Variants in PTPRM observed in about 807,000 individuals in gnomAD.
The protein encoded by PTPRM is receptor-type tyrosine-protein phosphatase mu.
In PTPRM, 47 loss-of-function variants were observed where a neutral mutation model predicts 186.7. The ratio of observed to expected loss-of-function variants is 0.25; its 90% CI spans 0.20 to 0.32. PTPRM has a LOEUF of 0.32. PTPRM is among the 10% of genes least tolerant of loss of function. PTPRM has a pLI of 1.00. For missense variants in PTPRM, 1,494 were observed against 1,865.0 expected, an observed-to-expected ratio of 0.80 and a Z score of 3.66; for synonymous variants, 668 against 674.9, an observed-to-expected ratio of 0.99 and a Z score of 0.16.
intron 5 of PTPRM, among the ~76,000 whole-genome samples, chr18:7,938,819 G>T (rs779934611): frequency 9.2e-5 from 14 of 152,022 alleles, no homozygotes; most frequent in Non-Finnish European, 1.8e-4. Flanking sequence ...TATAACTTTG[G>T]ATATCTGTAT....
intron 2 of PTPRM, among the ~76,000 whole-genome samples, chr18:7,831,124 C>T (rs1280704622): frequency 6.6e-6 from 1 of 152,080 alleles, no homozygotes; most frequent in Non-Finnish European, 1.5e-5. Context: ...GTCTTTACTG[C>T]ACTTATTTTT....
rs756680864 is a variant in PTPRM, at chr18:8,376,519, C to G, written c.3384C>G (p.Ala1128=). The change falls in exon 26 of 33, where the codon GCC becomes GCG. Residue 1128 remains alanine (A), a synonymous_variant. Transcript: ENST00000580170. ...FIVIDIMLDM[A]EREGVVDIYN... ...TCATTGATATCATGTTGGACATGGC[C>G]GAAAGGGAAGGGGTCGTAGACATCT... 1 of 1,613,886 alleles carries G rather than the reference C, an allele frequency of 6.2e-7. No individual in the cohort carries two copies. The highest frequency in any genetic ancestry group is 1.1e-5 in the South Asian group (1 of 91,062).
chr18:7,705,279 TTATCTATCTATCTATCTATCTATC>T (rs67662119), intron 1 of PTPRM, among the ~76,000 whole-genome samples: 3 of 146,502 alleles, frequency 2.0e-5, no homozygotes, highest in African/African-American at 5.1e-5. Flanking sequence ...AAATATCTAT[TTATCTATCTATCTATCTATCTATC>T]TATCTATCTA....
At chr18:7,860,237 TA>T (rs2047302478) in intron 2 of PTPRM, among the ~76,000 whole-genome samples, 1 of 152,036 alleles carries the variant, frequency 6.6e-6, no homozygotes, top group African/African-American at 2.4e-5. Flanking sequence ...CAAACCCAGC[TA>T]ATTTTTGTAT....
intron 9 of PTPRM, among the ~76,000 whole-genome samples, chr18:8,077,876 C>T (rs2089913873): frequency 6.6e-6 from 1 of 152,170 alleles, no homozygotes; most frequent in African/African-American, 2.4e-5. Flanking sequence ...AGATATATCT[C>T]TGTGTGGTAA....
chr18:8,168,086 A>G (rs2093348881), intron 14 of PTPRM, among the ~76,000 whole-genome samples: 2 of 152,204 alleles, frequency 1.3e-5, no homozygotes, highest in Non-Finnish European at 2.9e-5. Context: ...AATGCTGAGT[A>G]TGTTTCTAGC....
rs1020909042 is a variant in PTPRM, at chr18:8,184,493, T to C, written c.2300+40714T>C. Among the ~76,000 whole-genome samples, 9 of 152,080 alleles carry C rather than the reference T, an allele frequency of 5.9e-5. No homozygotes were observed. The South Asian group carries it at 8.3e-4, about 14-fold the overall frequency. ...ATGAGTGAGGTTGCACAGACCCCAC[T>C]GGACTGTTGGGTGGAGAAGAGAAGG... On this transcript the variant is annotated intron_variant, in intron 14 of 32. Coordinates refer to ENST00000580170, the MANE Select transcript of PTPRM (RefSeq NM_001105244.2).
In PTPRM at chr18:8,243,969, T is replaced by C; in HGVS notation, c.2301-89T>C. 5 of 1,279,260 alleles carry C rather than the reference T, an allele frequency of 3.9e-6. No homozygotes were observed. In the South Asian group the frequency reaches 4.2e-5, roughly 11 times the overall value. 79.2% of individuals were successfully genotyped at this position (1,279,260 alleles called of 1,614,324 possible). Reference sequence around the variant, plus strand: ...GAATGAATAGGATTAATTCAGTAGATGTTATTCCTGAACATCTGTCAATAT... The same window carrying C: ...GAATGAATAGGATTAATTCAGTAGACGTTATTCCTGAACATCTGTCAATAT... On this transcript the variant is annotated intron_variant, in intron 14 of 32. Coordinates refer to ENST00000580170, the MANE Select transcript of PTPRM (RefSeq NM_001105244.2).
intron 2 of PTPRM, among the ~76,000 whole-genome samples, chr18:7,864,549 A>G (rs1026108158): frequency 8.6e-5 from 13 of 151,976 alleles, no homozygotes; most frequent in South Asian, 2.1e-4. Context: ...CTGTTCCATT[A>G]GTCTATATAT....
chr18:8,345,847 G>A (rs2095501949), intron 23 of PTPRM, among the ~76,000 whole-genome samples: 1 of 152,014 alleles, frequency 6.6e-6, no homozygotes, highest in Non-Finnish European at 1.5e-5. Flanking sequence ...GAATAGACCA[G>A]TAGGTCCAAG....
chr18:8,316,084 T>C (rs1261149343), intron 21 of PTPRM, among the ~76,000 whole-genome samples: 1 of 152,194 alleles, frequency 6.6e-6, no homozygotes, highest in Non-Finnish European at 1.5e-5. Flanking sequence ...CTCCTCACAG[T>C]CTCCCAACTC....
At chr18:8,387,759 T>TGTGTGC (rs1167260256) in intron 31 of PTPRM, among the ~76,000 whole-genome samples, 2 of 79,720 alleles carry the variant, frequency 2.5e-5, no homozygotes, top group African/African-American at 9.5e-5. Flanking sequence ...CGTGTGTGCG[T>TGTGTGC]GTGTGTGCGC....
chr18:7,988,006 G>T (rs1025654198), intron 7 of PTPRM, among the ~76,000 whole-genome samples: 13 of 106,504 alleles, frequency 1.2e-4, no homozygotes, highest in Admixed American at 4.1e-4. Context: ...GTGAGACCCT[G>T]TGTCTACAAA....
At chr18:8,213,666 A>C (rs1489727826) in intron 14 of PTPRM, among the ~76,000 whole-genome samples, 3 of 152,174 alleles carry the variant, frequency 2.0e-5, no homozygotes, top group African/African-American at 7.2e-5. Flanking sequence ...AGAAAGTCTC[A>C]CTGTGGTCAC....
intron 19 of PTPRM, among the ~76,000 whole-genome samples, chr18:8,276,728 T>G (rs2094840257): frequency 6.6e-6 from 1 of 152,132 alleles, no homozygotes; most frequent in Non-Finnish European, 1.5e-5. Flanking sequence ...GCTCATGCCG[T>G]TCTACAACAA....
intron 9 of PTPRM, 79 bp from the exon 10 acceptor site, chr18:8,085,592 T>TTCTGA: frequency 8.0e-7 from 1 of 1,253,112 alleles, no homozygotes; most frequent in East Asian, 2.3e-5. Context: ...AGTGCATACA[T>TTCTGA]CAGAAGGGTT....
intron 2 of PTPRM, among the ~76,000 whole-genome samples, chr18:7,825,930 A>G (rs565935927): frequency 3.7e-4 from 56 of 152,292 alleles, no homozygotes; most frequent in African/African-American, 1.2e-3. Flanking sequence ...GAAGCTTTCC[A>G]TATATTAACT....
chr18:7,683,271 T>G (rs1292042191), intron 1 of PTPRM, among the ~76,000 whole-genome samples: 1 of 149,364 alleles, frequency 6.7e-6, no homozygotes, highest in Non-Finnish European at 1.5e-5. Context: ...GCTCAAGCCA[T>G]CCATCCTCCC....
intron 1 of PTPRM, among the ~76,000 whole-genome samples, chr18:7,636,133 C>A (rs2038306759): frequency 6.6e-6 from 1 of 151,746 alleles, no homozygotes; most frequent in African/African-American, 2.4e-5. Flanking sequence ...AAGATGTGAG[C>A]TGCTGAACTC....
Sources: allele counts gnomAD v4.1 joint callset (sites outside exome capture counted in the v4.1 genomes callset), GRCh38; gene constraint gnomAD v4.1.1; transcripts MANE v1.5; gene names NCBI Gene and HGNC (gene_info 2026-07-23, HGNC 2026-07-21).